The following TGIF1 variants were observed in gnomAD, a reference collection of about 807,000 sequenced individuals.
TGIF1 encodes the protein TGFB induced factor homeobox 1.
A neutral mutation model predicts 19.3 loss-of-function variants in TGIF1; 4 were observed. The observed-to-expected ratio is 0.21, with a 90% CI of 0.10 to 0.47. TGIF1 has a LOEUF of 0.47. TGIF1 is among the 20% of genes least tolerant of loss of function. The pLI is 0.98. For missense variants in TGIF1, 275 were observed against 341.4 expected, an observed-to-expected ratio of 0.81 and a Z score of 1.53; for synonymous variants, 122 against 129.3, an observed-to-expected ratio of 0.94 and a Z score of 0.38.
chr18:3,432,144 A>AAAAAAAAAAAAAAAAAAAAAAG lies in TGIF1; in HGVS notation c.-45+13929_-45+13930insAAAAAAAAAAAAAAAAAAAAAG, dbSNP rs199561203. On this transcript the variant is annotated intron_variant, in intron 2 of 3. Transcript: ENST00000401449. ...CTGTCAAAAAAAAAAAAAAAAAAAA[A>AAAAAAAAAAAAAAAAAAAAAAG]CACTAAGAAAGCTAAGGAAGGCGAA... Among the ~76,000 whole-genome samples the AAAAAAAAAAAAAAAAAAAAAAG allele has an allele frequency of 1.4e-5, 2 of 138,464 alleles. 1 individual carries two copies. The allele number at this position is 138,464 out of a possible 152,430, so 90.8% of individuals were successfully genotyped here.
chr18:3,457,316 T>C lies in TGIF1; in HGVS notation c.244-49T>C, dbSNP rs182417625. On this transcript the variant is annotated intron_variant, in intron 2 of 2. Transcript: ENST00000343820. This position sits in a 1 kb window ranked among gnomAD's most constrained non-coding sequence, Gnocchi z 4.9. ...CCCCATAGAACATTCTCAGAACCCG[T>C]TGGCTGAGTGAATGAGGAAAATGTT... 2.5e-4 allele frequency: 392 copies of C among 1,593,870 alleles called. 1 individual carries two copies. The African/African-American group carries it at 4.9e-3, about 20-fold the overall frequency.
In TGIF1 at chr18:3,457,694, G is replaced by A. The variant is rs142737563; in HGVS notation, c.573G>A (p.Ser191=). ...ATGTCCCTTTCTCTCTCTGCCAGTC[G>A]GTCGGTGTGGGACAAAACACAGATA... The part of the protein sequence containing the change: ...LKDVPFSLCQ[S]VGVGQNTDIQ... The change falls in exon 3 of 3, where the codon TCG becomes TCA. Residue 191 remains serine, a synonymous_variant. Transcript: ENST00000343820. The surrounding 1 kb of genome is among the most constrained non-coding windows in gnomAD (Gnocchi z 4.9). The A allele has an allele frequency of 1.2e-5, 20 of 1,614,028 alleles. No homozygotes were observed. The highest frequency in any genetic ancestry group is 4.0e-5 in the African/African-American group (3 of 74,906).
upstream of TGIF1, chr18:3,447,459 GA>G: frequency 1.8e-6 from 1 of 551,478 alleles, no homozygotes; most frequent in East Asian, 3.2e-5. Context: ...TCCACCTCGA[GA>G]AAAACGAATC....
At chr18:3,452,633 A>G (rs1281831097) in intron 1 of TGIF1, among the ~76,000 whole-genome samples, 2 of 152,088 alleles carry the variant, frequency 1.3e-5, no homozygotes, top group Non-Finnish European at 2.9e-5. Flanking sequence ...ACTCTCAAGA[A>G]CAAAAGCTAC....
upstream of TGIF1, chr18:3,448,228 G>T: frequency 1.0e-6 from 1 of 985,334 alleles, no homozygotes; most frequent in Non-Finnish European, 1.2e-6. Flanking sequence ...CTCAGGCCGC[G>T]GAGTCGCAGC....
At position 3,451,194 on chromosome 18, in the gene TGIF1, C is replaced by A. The variant is rs1266081065; in HGVS notation, c.16+689C>A. Among the ~76,000 whole-genome samples the A allele has an allele frequency of 6.6e-6, 1 of 152,216 alleles. No homozygotes were observed. The highest frequency in any genetic ancestry group is 1.5e-5 in the Non-Finnish European group (1 of 68,036). Reference sequence around the variant, plus strand: ...AGTTAGCACCCAGGGCCAGCAGCTTCAAGCGGCATGCAGTCAAAATGCGTC... The same window carrying A: ...AGTTAGCACCCAGGGCCAGCAGCTTAAAGCGGCATGCAGTCAAAATGCGTC... On this transcript the variant is annotated intron_variant, in intron 1 of 2. Transcript: ENST00000343820. This position sits in a 1 kb window ranked among gnomAD's most constrained non-coding sequence, Gnocchi z 5.4.
At chr18:3,452,218 C>A (rs1568048869) in intron 1 of TGIF1, 5 of 1,583,602 alleles carry the variant, frequency 3.2e-6, no homozygotes, top group Non-Finnish European at 4.3e-6. Flanking sequence ...TCCTCCTGCG[C>A]CCCCCCTCCT....
In TGIF1 at chr18:3,459,419, T is replaced by C. The variant is rs1250491303; in HGVS notation, c.*1479T>C. Reference sequence around the variant, plus strand: ...AAGAAAATTAGGTGAGGGAATGTTGTGCTCTAGCCTGTGGGGTGCAGCTTC... The same window carrying C: ...AAGAAAATTAGGTGAGGGAATGTTGCGCTCTAGCCTGTGGGGTGCAGCTTC... On this transcript the variant is annotated 3_prime_UTR_variant, in exon 3 of 3. Transcript: ENST00000343820. The C allele has an allele frequency of 6.6e-6, 1 of 152,202 alleles. No homozygotes were observed. The highest frequency in any genetic ancestry group is 1.5e-5 in the Non-Finnish European group (1 of 68,034). The allele number at this position is 152,202 out of a possible 1,614,324, so 9.4% of individuals were successfully genotyped here. A position where few individuals can be genotyped will look rare whatever the true frequency, so the allele number is the denominator to read the frequency against.
chr18:3,426,954 A>C, intron 2 of TGIF1, among the ~76,000 whole-genome samples: 1 of 114,354 alleles, frequency 8.7e-6, no homozygotes, highest in African/African-American at 3.5e-5. Context: ...ACGGAGTTTC[A>C]CTCTTGTAGC....
At chr18:3,448,539 G>C, upstream of TGIF1, 1 of 988,814 alleles carries the variant, frequency 1.0e-6, no homozygotes, top group Non-Finnish European at 1.2e-6. Flanking sequence ...AGCCGTTTTA[G>C]GTGTGTGTTC....
At chr18:3,417,272 G>A (rs2082345022) in intron 1 of TGIF1, among the ~76,000 whole-genome samples, 1 of 152,136 alleles carries the variant, frequency 6.6e-6, no homozygotes, top group Admixed American at 6.6e-5. Context: ...CTATTCTCCA[G>A]CCTCAGCCTC....
At chr18:3,421,608 C>T (rs1349728880) in intron 2 of TGIF1, among the ~76,000 whole-genome samples, 1 of 151,672 alleles carries the variant, frequency 6.6e-6, no homozygotes, top group Non-Finnish European at 1.5e-5. Context: ...GACAGGGTTT[C>T]TCCATACTGG....
chr18:3,433,429 A>G (rs2082576400), intron 2 of TGIF1, among the ~76,000 whole-genome samples: 1 of 152,228 alleles, frequency 6.6e-6, no homozygotes, highest in Non-Finnish European at 1.5e-5. Context: ...TACAAGACGA[A>G]AGTAATACAA....
intron 1 of TGIF1, chr18:3,418,096 T>C (rs1416495322): frequency 6.6e-6 from 1 of 152,162 alleles, no homozygotes; most frequent in Non-Finnish European, 1.5e-5. Context: ...GAAGCTGTAC[T>C]CCACAAAGTT....
chr18:3,451,432 C>A lies in TGIF1; in HGVS notation c.16+927C>A. 1.0e-6 allele frequency: 1 copy of A among 985,478 alleles called. No individual in the cohort carries two copies. The allele number at this position is 985,478 out of a possible 1,614,324, so 61.0% of individuals were successfully genotyped here. On this transcript the variant is annotated intron_variant, in intron 1 of 2. Transcript: ENST00000343820. This position sits in a 1 kb window ranked among gnomAD's most constrained non-coding sequence, Gnocchi z 5.4. ...TTTGAAGTTAACAAAAATTGAGTCCCTGGCTGGGAGGTCCCCCGAGTGTTC... is the reference window on the plus strand; with the variant it reads ...TTTGAAGTTAACAAAAATTGAGTCCATGGCTGGGAGGTCCCCCGAGTGTTC...
chr18:3,443,353 A>G (rs560383263), intron 2 of TGIF1, among the ~76,000 whole-genome samples: 51 of 152,310 alleles, frequency 3.3e-4, no homozygotes, highest in Middle Eastern at 3.4e-3. Flanking sequence ...TGGCAGGATA[A>G]ATTAATTAAC....
intron 1 of TGIF1, among the ~76,000 whole-genome samples, chr18:3,452,875 A>T (rs2083025048): frequency 6.6e-6 from 1 of 152,196 alleles, no homozygotes; most frequent in Non-Finnish European, 1.5e-5. Context: ...TTGTGATAAT[A>T]GTGTGTCCTC....
At chr18:3,436,138 A>G (rs187657017) in intron 2 of TGIF1, among the ~76,000 whole-genome samples, 3 of 152,192 alleles carry the variant, frequency 2.0e-5, no homozygotes, top group African/African-American at 7.2e-5. Context: ...AGCAAGGTTA[A>G]TACTTCACAC....
chr18:3,449,622 C>G, upstream of TGIF1: 1 of 985,068 alleles, frequency 1.0e-6, no homozygotes, highest in Non-Finnish European at 1.2e-6. Context: ...CGCGCCGCGC[C>G]CGCGTGTCAA....
Sources: gnomAD v4.1 joint callset for allele counts (sites outside exome capture counted in the v4.1 genomes callset) on GRCh38, gnomAD v4.1.1 for gene constraint, Gnocchi (gnomAD v3.1) non-coding constraint, MANE v1.5 for transcripts, NCBI Gene and HGNC (gene_info 2026-07-23, HGNC 2026-07-21) for gene names.